Variants in YDJC observed in about 807,000 individuals in gnomAD.
YDJC encodes carbohydrate deacetylase.
Under a neutral mutation model 18.9 loss-of-function variants are expected in YDJC, and 23 were observed. That is an observed-to-expected ratio of 1.22 (90% CI 0.87 to 1.72). YDJC has a LOEUF of 1.72. Ranked by LOEUF, YDJC falls within the 40% of genes most tolerant of loss-of-function variation. The probability of loss-of-function intolerance (pLI) is 0.00; values close to 1 mark genes in which losing one functional copy is unlikely to be tolerated. For missense variants in YDJC, 467 were observed against 470.8 expected, an observed-to-expected ratio of 0.99 and a Z score of 0.07; for synonymous variants, 224 against 217.6, an observed-to-expected ratio of 1.03 and a Z score of -0.26.
In YDJC at chr22:21,629,315, C is replaced by G; in HGVS notation, c.417G>C (p.Val139=). ...GGATCACTAACCACGCACCTGGGAGCACGTGCACGTGCTGGTGCCCGTCCG... is the reference window on the plus strand; with the variant it reads ...GGATCACTAACCACGCACCTGGGAGGACGTGCACGTGCTGGTGCCCGTCCG... ...THADGHQHVH[V]LPGVCQVFAE... The change falls in exon 3 of 5, where the codon GTG becomes GTC. Residue 139 remains valine, a synonymous_variant. Coordinates refer to ENST00000292778, the MANE Select transcript of YDJC (RefSeq NM_001017964.2). 3 of 1,550,504 alleles carry G rather than the reference C, an allele frequency of 1.9e-6. No homozygotes were observed. The highest frequency in any genetic ancestry group is 2.6e-6 in the Non-Finnish European group (3 of 1,146,902).
In YDJC at chr22:21,628,779, T is replaced by C. The variant is rs542839674; in HGVS notation, c.611A>G (p.Asp204Gly). 435 of 1,483,564 alleles carry C rather than the reference T, an allele frequency of 2.9e-4. 6 individuals carry two copies. In the South Asian group the frequency reaches 5.2e-3, roughly 18 times the overall value. The allele number at this position is 1,483,564 out of a possible 1,614,324, so 91.9% of individuals were successfully genotyped here. A position where few individuals can be genotyped will look rare whatever the true frequency, so the allele number is the denominator to read the frequency against. Residue 204 changes from aspartate (D) to glycine (G), a missense_variant, in exon 5 of 5, where the codon GAC (aspartate) becomes GGC (glycine). Coordinates refer to ENST00000292778, the MANE Select transcript of YDJC (RefSeq NM_001017964.2). ...PFSRHGLRWT[D>G]AFVGLSTCGR... ...GCAAGTGCTCAGGCCCACGAAGGCG[T>C]CTGTCCACCTGTGGGGGGCGGGACA...
Position 21,629,897 on chromosome 22 carries a change from G to T in YDJC, c.118C>A (p.Leu40Met), listed in dbSNP as rs770089391. 1.3e-6 allele frequency: 2 copies of T among 1,594,054 alleles called. No homozygotes were observed. Among genetic ancestry groups the T allele is most frequent in the Non-Finnish European group, 1.7e-6 (2 of 1,174,672 alleles). Residue 40 changes from leucine (L) to methionine (M), a missense_variant, in exon 1 of 5, where the codon CTG (leucine) becomes ATG (methionine). Transcript: ENST00000292778. ...CTCTCCGTGGCCGCACCGTTGACCA[G>T]CAGGGACACGCTGGTCACAGCCCCG... ...LAGAVTSVSL[L>M]VNGAATESAA...
chr22:21,628,355 G>A lies in YDJC; in HGVS notation c.*63C>T. ...AGGTCCCAGCTCTGGGCTGGGCCAG[G>A]ACTAAATCCTGGCTCCCCTTTCTTG... On this transcript the variant is annotated 3_prime_UTR_variant, in exon 5 of 5. Transcript: ENST00000292778. 3.4e-6 allele frequency: 5 copies of A among 1,481,356 alleles called. No homozygotes were observed. Among genetic ancestry groups the A allele is most frequent in the Non-Finnish European group, 3.6e-6 (4 of 1,111,300 alleles). 91.8% of individuals were successfully genotyped at this position (1,481,356 alleles called of 1,614,324 possible).
Position 21,628,990 on chromosome 22 carries a change from G to A in YDJC, c.602+20C>T, listed in dbSNP as rs1031820535. 2.5e-5 allele frequency: 37 copies of A among 1,452,074 alleles called. No individual in the cohort carries two copies. The Middle Eastern group carries it at 5.5e-4, about 21-fold the overall frequency. 89.9% of individuals were successfully genotyped at this position (1,452,074 alleles called of 1,614,324 possible). The stretch of plus-strand genomic sequence containing the variant: ...AGGGACAGAGGCAGCTATGGTAGGA[G>A]ACGGGGCGGGGAGCCTCACCGCAGG... On this transcript the variant is annotated intron_variant, in intron 4 of 4. Coordinates refer to ENST00000292778, the MANE Select transcript of YDJC (RefSeq NM_001017964.2).
Position 21,629,978 on chromosome 22 carries a change from C to T in YDJC, c.37G>A (p.Asp13Asn), listed in dbSNP as rs767944273. Residue 13 changes from aspartate to asparagine, a missense_variant, in exon 1 of 5, where the codon GAC becomes AAC. Asp to Asn is a conservative substitution (Grantham distance 23). Transcript: ENST00000292778. ...CGTCGCGGGCAGTAACCAAAGTCGT[C>T]CGCGGTGACCACCAGGCGCATGCGA... ...RPRMRLVVTA[D>N]DFGYCPRRDE... 6 of 1,602,432 alleles carry T rather than the reference C, an allele frequency of 3.7e-6. No individual in the cohort carries two copies. Among genetic ancestry groups the T allele is most frequent in the Non-Finnish European group, 5.1e-6 (6 of 1,177,904 alleles).
At position 21,629,376 on chromosome 22, in the gene YDJC, C is replaced by T. The variant is rs2148458548; in HGVS notation, c.356G>A (p.Cys119Tyr). 6.5e-7 allele frequency: 1 copy of T among 1,549,618 alleles called. No individual in the cohort carries two copies. The highest frequency in any genetic ancestry group is 2.4e-5 in the East Asian group (1 of 41,006). ...VREELEAQLS[C>Y]FRELLGRAPT... The stretch of plus-strand genomic sequence containing the variant: ...GGCCCTGCCCAGCAGCTCCCGGAAG[C>T]AGCTTAGTTGGGCCTCGAGCTCCTC... The change falls in exon 3 of 5, where the codon TGC (cysteine) becomes TAC (tyrosine). Residue 119 changes from cysteine (C) to tyrosine (Y), a missense_variant. By Grantham distance (194) the Cys-to-Tyr change is radical. Transcript: ENST00000292778.
In YDJC at chr22:21,628,706, G is replaced by A; in HGVS notation, c.684C>T (p.Val228=). The change falls in exon 5 of 5, where the codon GTC becomes GTT. Residue 228 remains valine, a synonymous_variant. Coordinates refer to ENST00000292778, the MANE Select transcript of YDJC (RefSeq NM_001017964.2). ...TGTGGCCCGCTAGGGTACCTTCCAG[G>A]ACCCGCGCCAGGGCCCCGGACACGC... ...AHRVSGALAR[V]LEGTLAGHTL... 6.5e-7 allele frequency: 1 copy of A among 1,541,206 alleles called. No homozygotes were observed. Among genetic ancestry groups the A allele is most frequent in the Non-Finnish European group, 8.7e-7 (1 of 1,145,370 alleles).
chr22:21,629,687 G>A lies in YDJC; in HGVS notation c.239C>T (p.Ser80Leu). Reference protein sequence around the residue: ...RPVGPARRGASSLLGPEGFFL... With the variant: ...RPVGPARRGALSLLGPEGFFL... ...GAAGCCTTCCGGGCCGAGCAGCGAT[G>A]AGGCGCCACGGCGGGCCGGACCCAC... Residue 80 changes from serine (S) to leucine (L), a missense_variant, in exon 2 of 5, where the codon TCA (serine) becomes TTA (leucine). Coordinates refer to ENST00000292778, the MANE Select transcript of YDJC (RefSeq NM_001017964.2). 6.2e-7 allele frequency: 1 copy of A among 1,604,592 alleles called. No homozygotes were observed. Among genetic ancestry groups the A allele is most frequent in the South Asian group, 1.1e-5 (1 of 89,986 alleles).
In YDJC at chr22:21,629,045, C is replaced by A; in HGVS notation, c.567G>T (p.Arg189=). 1 of 1,505,556 alleles carries A rather than the reference C, an allele frequency of 6.6e-7. No homozygotes were observed. The highest frequency in any genetic ancestry group is 8.8e-7 in the Non-Finnish European group (1 of 1,134,466). 93.3% of individuals were successfully genotyped at this position (1,505,556 alleles called of 1,614,324 possible). The part of the protein sequence containing the change: ...AFACAVERDA[R]AAVGPFSRHG... The stretch of plus-strand genomic sequence containing the variant: ...GGCGGGAGAAGGGGCCCACGGCGGC[C>A]CGGGCGTCGCGCTCCACGGCGCAGG... Residue 189 remains arginine, a synonymous_variant, in exon 4 of 5, where the codon CGG becomes CGT. Coordinates refer to ENST00000292778, the MANE Select transcript of YDJC (RefSeq NM_001017964.2).
At position 21,628,816 on chromosome 22, in the gene YDJC, A is replaced by C. The variant is rs112002902; in HGVS notation, c.603-29T>G. ...TGGGGGGCGGGACATCAGAGGTGGG[A>C]CCAGGCCGGGCCATGGCCAAGGGCT... On this transcript the variant is annotated intron_variant, in intron 4 of 4. Transcript: ENST00000292778. 7.1e-3 allele frequency: 8,995 copies of C among 1,273,212 alleles called. 424 individuals carry two copies. The African/African-American group carries it at 0.12, about 17-fold the overall frequency. The allele number at this position is 1,273,212 out of a possible 1,614,324, so 78.9% of individuals were successfully genotyped here. A position where few individuals can be genotyped will look rare whatever the true frequency, so the allele number is the denominator to read the frequency against.
In YDJC at chr22:21,628,699, C is replaced by G; in HGVS notation, c.691G>C (p.Gly231Arg). Reference sequence around the variant, plus strand: ...GTCAGGGTGTGGCCCGCTAGGGTACCTTCCAGGACCCGCGCCAGGGCCCCG... The same window carrying G: ...GTCAGGGTGTGGCCCGCTAGGGTACGTTCCAGGACCCGCGCCAGGGCCCCG... ...VSGALARVLE[G>R]TLAGHTLTAE... The change falls in exon 5 of 5, where the codon GGT becomes CGT. Residue 231 changes from glycine to arginine, a missense_variant. Gly to Arg is a moderately radical substitution (Grantham distance 125). Coordinates refer to ENST00000292778, the MANE Select transcript of YDJC (RefSeq NM_001017964.2). 1 of 1,545,292 alleles carries G rather than the reference C, an allele frequency of 6.5e-7. No individual in the cohort carries two copies. Among genetic ancestry groups the G allele is most frequent in the South Asian group, 1.2e-5 (1 of 85,112 alleles).
chr22:21,628,693 G>T lies in YDJC; in HGVS notation c.697C>A (p.Leu233Ile). Residue 233 changes from leucine to isoleucine, a missense_variant, in exon 5 of 5, where the codon CTA becomes ATA. Leu to Ile is a conservative substitution (Grantham distance 5). Transcript: ENST00000292778. ...TCGGCTGTCAGGGTGTGGCCCGCTAGGGTACCTTCCAGGACCCGCGCCAGG... is the reference window on the plus strand; with the variant it reads ...TCGGCTGTCAGGGTGTGGCCCGCTATGGTACCTTCCAGGACCCGCGCCAGG... ...GALARVLEGT[L>I]AGHTLTAELM... The T allele has an allele frequency of 6.4e-7, 1 of 1,551,880 alleles. No individual in the cohort carries two copies. Among genetic ancestry groups the T allele is most frequent in the East Asian group, 2.4e-5 (1 of 41,300 alleles).
In YDJC at chr22:21,629,315, C is replaced by T; in HGVS notation, c.417G>A (p.Val139=). 6.4e-7 allele frequency: 1 copy of T among 1,550,504 alleles called. No homozygotes were observed. Among genetic ancestry groups the T allele is most frequent in the Non-Finnish European group, 8.7e-7 (1 of 1,146,902 alleles). Residue 139 remains valine, a synonymous_variant, in exon 3 of 5, where the codon GTG becomes GTA. Coordinates refer to ENST00000292778, the MANE Select transcript of YDJC (RefSeq NM_001017964.2). The part of the protein sequence containing the change: ...THADGHQHVH[V]LPGVCQVFAE... The stretch of plus-strand genomic sequence containing the variant: ...GGATCACTAACCACGCACCTGGGAG[C>T]ACGTGCACGTGCTGGTGCCCGTCCG...
Position 21,629,152 on chromosome 22 carries a change from A to T in YDJC, c.460T>A (p.Tyr154Asn). 6.5e-7 allele frequency: 1 copy of T among 1,540,928 alleles called. No individual in the cohort carries two copies. Among genetic ancestry groups the T allele is most frequent in the Non-Finnish European group, 8.7e-7 (1 of 1,146,220 alleles). ...CQVFAEALQA[Y>N]GVRFTRLPLE... ...GGCAGTCGCGTAAAGCGCACCCCAT[A>T]GGCCTGCAGCGCCTCGGCGAACACC... The change falls in exon 4 of 5, where the codon TAT (tyrosine) becomes AAT (asparagine). Residue 154 changes from tyrosine (Y) to asparagine (N), a missense_variant. Transcript: ENST00000292778.
At chr22:21,629,430 C>G in intron 2 of YDJC, 23 bp from the exon 3 acceptor site, 2 of 1,542,242 alleles carry the variant, frequency 1.3e-6, no homozygotes, top group Non-Finnish European at 1.7e-6. Context: ...CGAGAGACAC[C>G]TTGAGCGACC....
In YDJC at chr22:21,629,383, G is replaced by A; in HGVS notation, c.349C>T (p.Leu117=). The A allele has an allele frequency of 6.5e-7, 1 of 1,549,136 alleles. No homozygotes were observed. Among genetic ancestry groups the A allele is most frequent in the East Asian group, 2.4e-5 (1 of 41,000 alleles). ...CCCAGCAGCTCCCGGAAGCAGCTTAGTTGGGCCTCGAGCTCCTCCCGCACC... is the reference window on the plus strand; with the variant it reads ...CCCAGCAGCTCCCGGAAGCAGCTTAATTGGGCCTCGAGCTCCTCCCGCACC... ...PQVREELEAQ[L]SCFRELLGRA... is the part of the protein sequence containing the mutation. The change falls in exon 3 of 5, where the codon CTA becomes TTA. Residue 117 remains leucine, a synonymous_variant. Coordinates refer to ENST00000292778, the MANE Select transcript of YDJC (RefSeq NM_001017964.2).
Position 21,628,341 on chromosome 22 carries a change from C to G in YDJC, c.*77G>C. 6.8e-7 allele frequency: 1 copy of G among 1,464,836 alleles called. No homozygotes were observed. The highest frequency in any genetic ancestry group is 9.1e-7 in the Non-Finnish European group (1 of 1,102,440). The allele number at this position is 1,464,836 out of a possible 1,614,324, so 90.7% of individuals were successfully genotyped here. ...ACAGATCGTGCTCCAGGTCCCAGCT[C>G]TGGGCTGGGCCAGGACTAAATCCTG... On this transcript the variant is annotated 3_prime_UTR_variant, in exon 5 of 5. Transcript: ENST00000292778.
At position 21,628,565 on chromosome 22, in the gene YDJC, G is replaced by T. The variant is rs778765094; in HGVS notation, c.825C>A (p.Arg275=). The T allele has an allele frequency of 6.2e-7, 1 of 1,610,068 alleles. No homozygotes were observed. Residue 275 remains arginine, a synonymous_variant, in exon 5 of 5, where the codon CGC becomes CGA. Coordinates refer to ENST00000292778, the MANE Select transcript of YDJC (RefSeq NM_001017964.2). ...SCSWERLHEL[R]VLTAPTLRAQ... The stretch of plus-strand genomic sequence containing the variant: ...CCCGCAGCGTGGGCGCGGTGAGGAC[G>T]CGCAGCTCATGCAGCCGCTCCCAAG...
chr22:21,628,719 GC>G lies in YDJC; in HGVS notation c.670del (p.Ala224ProfsTer10). The part of the protein sequence containing the change: ...RHMSAHRVSG[A>X]LARVLEGTLA... ...GGTACCTTCCAGGACCCGCGCCAGG[GC>G]CCCGGACACGCGGTGAGCGGACATG... On this transcript the variant is annotated frameshift_variant, in exon 5 of 5. Coordinates refer to ENST00000292778, the MANE Select transcript of YDJC (RefSeq NM_001017964.2). LOFTEE classifies it low-confidence loss of function (END_TRUNC). 3 of 1,533,408 alleles carry G rather than the reference GC, an allele frequency of 2.0e-6. No individual in the cohort carries two copies. The highest frequency in any genetic ancestry group is 1.8e-6 in the Non-Finnish European group (2 of 1,141,028). 95.0% of individuals were successfully genotyped at this position (1,533,408 alleles called of 1,614,324 possible). A position where few individuals can be genotyped will look rare whatever the true frequency, so the allele number is the denominator to read the frequency against.
Sources: allele counts gnomAD v4.1 joint callset, GRCh38; gene constraint gnomAD v4.1.1; transcripts MANE v1.5; gene names NCBI Gene and HGNC (gene_info 2026-07-23, HGNC 2026-07-21).